GRM1: variants seen among roughly 807,000 people sequenced by gnomAD.
GRM1 encodes the protein metabotropic glutamate receptor 1.
GRM1 carries 33 observed loss-of-function variants against 90.9 expected under a neutral mutation model. The ratio of observed to expected loss-of-function variants is 0.36; its 90% CI spans 0.28 to 0.49. The LOEUF is 0.49. Among genes scored for constraint, GRM1 ranks in the 20% least tolerant of loss-of-function variants. The probability of loss-of-function intolerance (pLI) is 0.99; values close to 1 mark genes in which losing one functional copy is unlikely to be tolerated. For missense variants in GRM1, 1,190 were observed against 1,534.3 expected, an observed-to-expected ratio of 0.78 and a Z score of 3.75; for synonymous variants, 700 against 613.2, an observed-to-expected ratio of 1.14 and a Z score of -2.09.
intron 2 of GRM1, among the ~76,000 whole-genome samples, chr6:146,181,150 T>A (rs1034104790): frequency 1.3e-5 from 2 of 151,948 alleles, no homozygotes; most frequent in East Asian, 3.9e-4. Context: ...ATGGATAACA[T>A]GCATTTCAGC....
At chr6:146,371,658 G>A (rs1047480661) in intron 5 of GRM1, among the ~76,000 whole-genome samples, 6 of 151,898 alleles carry the variant, frequency 4.0e-5, no homozygotes, top group African/African-American at 1.5e-4. Context: ...CTTCTACTAT[G>A]TCCGTGAGTT....
intron 7 of GRM1, among the ~76,000 whole-genome samples, chr6:146,408,072 A>C (rs1777414699): frequency 6.6e-6 from 1 of 152,130 alleles, no homozygotes; most frequent in Non-Finnish European, 1.5e-5. Flanking sequence ...TTAGGGTGCT[A>C]GCAGGTGAGG....
chr6:146,182,252 A>T (rs1778574460), intron 2 of GRM1, among the ~76,000 whole-genome samples: 1 of 152,204 alleles, frequency 6.6e-6, no homozygotes, highest in Non-Finnish European at 1.5e-5. Flanking sequence ...AGAAGGAAAG[A>T]CAAGAAGCTT....
At chr6:146,298,754 C>A (rs565523406) in intron 2 of GRM1, among the ~76,000 whole-genome samples, 1 of 152,222 alleles carries the variant, frequency 6.6e-6, no homozygotes, top group South Asian at 2.1e-4. Flanking sequence ...CCCTGATGGG[C>A]TCATTTATTT....
At chr6:146,431,897 G>A (rs535371918) in intron 7 of GRM1, among the ~76,000 whole-genome samples, 1 of 152,280 alleles carries the variant, frequency 6.6e-6, no homozygotes, top group South Asian at 2.1e-4. Flanking sequence ...AGATGATGGG[G>A]CAGTTGAAAA....
At chr6:146,433,370 G>A (rs532564050) in intron 7 of GRM1, among the ~76,000 whole-genome samples, 8 of 152,310 alleles carry the variant, frequency 5.3e-5, no homozygotes, top group African/African-American at 1.9e-4. Context: ...ATGGGCAACT[G>A]AGAGGATCTA....
intron 2 of GRM1, among the ~76,000 whole-genome samples, chr6:146,183,690 C>G (rs1302386324): frequency 6.6e-6 from 1 of 152,056 alleles, no homozygotes; most frequent in Non-Finnish European, 1.5e-5. Context: ...AGTAACTGTG[C>G]GATTCTCCTC....
chr6:146,428,029 A>C (rs957119594), intron 7 of GRM1, among the ~76,000 whole-genome samples: 3 of 152,228 alleles, frequency 2.0e-5, no homozygotes, highest in Non-Finnish European at 2.9e-5. Flanking sequence ...AATGTGGTAC[A>C]TCCCTGGTGG....
At chr6:146,191,826 TGTCA>T (rs1217182516) in intron 2 of GRM1, among the ~76,000 whole-genome samples, 2 of 152,332 alleles carry the variant, frequency 1.3e-5, no homozygotes, top group East Asian at 1.9e-4. Flanking sequence ...TGTTCTTTCC[TGTCA>T]GTCAATCTCT....
At chr6:146,161,621 G>A (rs1777730759) in intron 2 of GRM1, among the ~76,000 whole-genome samples, 1 of 152,112 alleles carries the variant, frequency 6.6e-6, no homozygotes, top group Non-Finnish European at 1.5e-5. Context: ...AGCTTCTGAG[G>A]ACACTGCTTT....
chr6:146,336,235 CT>C (rs1437289734), intron 3 of GRM1, among the ~76,000 whole-genome samples: 12 of 152,128 alleles, frequency 7.9e-5, no homozygotes, highest in African/African-American at 2.9e-4. Flanking sequence ...GCCATCCATT[CT>C]TTCTTAAATT....
At chr6:146,159,659 A>G (rs1035234168) in intron 2 of GRM1, 62 bp downstream of exon 2, 12 of 1,501,646 alleles carry the variant, frequency 8.0e-6, no homozygotes, top group Non-Finnish European at 1.0e-5. Context: ...ACACATGCAC[A>G]CACACACTTT....
intron 1 of GRM1, among the ~76,000 whole-genome samples, chr6:146,132,570 T>G (rs1271115658): frequency 6.6e-6 from 1 of 152,178 alleles, no homozygotes; most frequent in Non-Finnish European, 1.5e-5. Context: ...TATTGTGTAT[T>G]CCTCTCCTCT....
At chr6:146,062,702 T>G (rs1210344961) in intron 1 of GRM1, among the ~76,000 whole-genome samples, 3 of 152,094 alleles carry the variant, frequency 2.0e-5, no homozygotes, top group Non-Finnish European at 4.4e-5. Context: ...ATCATCAATT[T>G]ATTTTTCTGT....
chr6:146,277,635 C>G (rs917529158), intron 2 of GRM1, among the ~76,000 whole-genome samples: 1 of 152,158 alleles, frequency 6.6e-6, no homozygotes, highest in African/African-American at 2.4e-5. Context: ...AACCTTGCTC[C>G]TGGTTTCCCC....
chr6:146,386,203 G>A (rs1355454494), intron 5 of GRM1, among the ~76,000 whole-genome samples: 5 of 152,022 alleles, frequency 3.3e-5, no homozygotes, highest in African/African-American at 1.2e-4. Context: ...GTACTATGGA[G>A]TGTGAAAGTG....
At chr6:146,084,094 T>A (rs976644259) in intron 1 of GRM1, among the ~76,000 whole-genome samples, 2 of 152,194 alleles carry the variant, frequency 1.3e-5, no homozygotes, top group Non-Finnish European at 2.9e-5. Context: ...CTTTTTCATT[T>A]TTTATTGTGT....
intron 2 of GRM1, among the ~76,000 whole-genome samples, chr6:146,186,096 T>G (rs1460136314): frequency 2.5e-5 from 2 of 79,552 alleles, no homozygotes; most frequent in Admixed American, 1.1e-4. Flanking sequence ...TTACAGCTGG[T>G]TTTTTTTTTT....
intron 1 of GRM1, among the ~76,000 whole-genome samples, chr6:146,089,069 G>A (rs1331519672): frequency 6.6e-6 from 1 of 152,060 alleles, no homozygotes; most frequent in African/African-American, 2.4e-5. Context: ...TATGGCAAAG[G>A]TAAAGGGAGG....
Sources: allele counts gnomAD v4.1 joint callset (sites outside exome capture counted in the v4.1 genomes callset), GRCh38; gene constraint gnomAD v4.1.1; transcripts MANE v1.5; gene names NCBI Gene and HGNC (gene_info 2026-07-23, HGNC 2026-07-21).